The following TNNI3K variants were observed in gnomAD, a reference collection of about 807,000 sequenced individuals.
TNNI3K encodes the protein serine/threonine-protein kinase TNNI3K.
In TNNI3K, 140 loss-of-function variants were observed where a neutral mutation model predicts 114.5. The ratio of observed to expected loss-of-function variants is 1.22; its 90% CI spans 1.07 to 1.41. The LOEUF (loss-of-function observed/expected upper bound fraction) is 1.41. Ranked by LOEUF, TNNI3K falls within the 40% of genes most tolerant of loss-of-function variation. The pLI is 0.00. For synonymous variants in TNNI3K, 347 were observed against 347.5 expected, an observed-to-expected ratio of 1.00 and a Z score of 0.02; for missense variants, 1,125 against 1,007.6, an observed-to-expected ratio of 1.12 and a Z score of -1.58.
At chr1:74,543,762 C>A in intron 24 of TNNI3K, 144 bp from the exon 25 acceptor site, 1 of 823,346 alleles carries the variant, frequency 1.2e-6, no homozygotes, top group Non-Finnish European at 2.0e-6. Flanking sequence ...GTTGCTTGTG[C>A]TTTGCAACTA....
intron 5 of TNNI3K, among the ~76,000 whole-genome samples, chr1:74,317,961 T>A (rs1459949914): frequency 6.6e-6 from 1 of 152,212 alleles, no homozygotes; most frequent in African/African-American, 2.4e-5. Context: ...TAATCTATTT[T>A]ATGAACTATA....
chr1:74,506,217 A>G (rs1669893028), intron 23 of TNNI3K, among the ~76,000 whole-genome samples: 1 of 152,240 alleles, frequency 6.6e-6, no homozygotes, highest in African/African-American at 2.4e-5. Flanking sequence ...GTATTCAAAC[A>G]TAGACACTTA....
chr1:74,385,334 A>T (rs1015665571), intron 17 of TNNI3K, among the ~76,000 whole-genome samples: 2 of 152,162 alleles, frequency 1.3e-5, no homozygotes, highest in East Asian at 1.9e-4. Context: ...GGAGTATATA[A>T]CTGTTAAAAC....
chr1:74,511,099 G>C (rs1018813302), intron 23 of TNNI3K, among the ~76,000 whole-genome samples: 2 of 152,144 alleles, frequency 1.3e-5, no homozygotes, highest in Non-Finnish European at 2.9e-5. Flanking sequence ...TGTTGGCCAG[G>C]CTGGTCTGGA....
At chr1:74,250,527 A>G (rs1431428632) in intron 3 of TNNI3K, 145 bp from the exon 4 acceptor site, 12 of 605,370 alleles carry the variant, frequency 2.0e-5, no homozygotes, top group Non-Finnish European at 3.2e-5. Context: ...AAGGTTGTCA[A>G]TTAATAGAAA....
intron 20 of TNNI3K, among the ~76,000 whole-genome samples, chr1:74,441,103 C>A (rs1459368770): frequency 6.6e-6 from 1 of 151,954 alleles, no homozygotes; most frequent in Non-Finnish European, 1.5e-5. Context: ...GCATAATATA[C>A]CTGCAGTAAA....
intron 5 of TNNI3K, among the ~76,000 whole-genome samples, chr1:74,285,472 A>T (rs1042948452): frequency 1.3e-5 from 2 of 152,208 alleles, no homozygotes; most frequent in African/African-American, 2.4e-5. Flanking sequence ...TGCCACTTTC[A>T]TGAAACTGTT....
At chr1:74,258,018 G>T (rs868503584) in intron 4 of TNNI3K, among the ~76,000 whole-genome samples, 7 of 152,040 alleles carry the variant, frequency 4.6e-5, no homozygotes, top group African/African-American at 1.4e-4. Flanking sequence ...ACCTGAACAT[G>T]GTGCTTACTC....
At chr1:74,287,181 AAAAG>A (rs1657385601) in intron 5 of TNNI3K, among the ~76,000 whole-genome samples, 1 of 152,194 alleles carries the variant, frequency 6.6e-6, no homozygotes, top group South Asian at 2.1e-4. Context: ...AAAAAGGAGA[AAAAG>A]AATGACAAAC....
intron 4 of TNNI3K, among the ~76,000 whole-genome samples, chr1:74,262,057 GA>G: frequency 6.6e-6 from 1 of 151,914 alleles, no homozygotes; most frequent in Non-Finnish European, 1.5e-5. Flanking sequence ...CTTTTATCCT[GA>G]CTTTTTTTTT....
intron 12 of TNNI3K, among the ~76,000 whole-genome samples, 162 bp downstream of exon 12, chr1:74,367,504 A>C (rs1267947290): frequency 6.6e-6 from 1 of 151,960 alleles, no homozygotes; most frequent in Non-Finnish European, 1.5e-5. Flanking sequence ...GAGAGGCTGA[A>C]CATAAAGAAG....
rs1553148015 is a variant in TNNI3K, at chr1:74,451,657, T to TTTTTCTTTTCTTTTC, written c.2012-11765_2012-11751dup. ...CTTTTTCTTTCTTTCTTTCCTTTCT[T>TTTTTCTTTTCTTTTC]TTTTCTTTTCTTTTCTTTTCTTTTC... On this transcript the variant is annotated intron_variant, in intron 20 of 24. Transcript: ENST00000326637. 1.5e-3 allele frequency among the ~76,000 whole-genome samples: 81 copies of TTTTTCTTTTCTTTTC among 53,102 alleles called. 7 individuals are homozygous for TTTTTCTTTTCTTTTC. Among genetic ancestry groups the TTTTTCTTTTCTTTTC allele is most frequent in the South Asian group, 9.2e-3 (10 of 1,088 alleles). 34.8% of individuals were successfully genotyped at this position (53,102 alleles called of 152,430 possible). A position where few individuals can be genotyped will look rare whatever the true frequency, so the allele number is the denominator to read the frequency against.
chr1:74,464,579 G>A lies in TNNI3K; in HGVS notation c.2121+1029G>A, dbSNP rs45598634. The A allele has an allele frequency of 2.8e-3, 4,127 of 1,476,818 alleles. 106 individuals carry two copies. The African/African-American group carries it at 0.053, about 19-fold the overall frequency. The allele number at this position is 1,476,818 out of a possible 1,614,324, so 91.5% of individuals were successfully genotyped here. Reference sequence around the variant, plus strand: ...TATCTCACTCAGGAGAAATAAAATAGGCCCCAGTCCAGATGTTTGAAAAGA... The same window carrying A: ...TATCTCACTCAGGAGAAATAAAATAAGCCCCAGTCCAGATGTTTGAAAAGA... On this transcript the variant is annotated intron_variant, in intron 21 of 24. Transcript: ENST00000326637.
intron 17 of TNNI3K, among the ~76,000 whole-genome samples, chr1:74,417,696 GT>G (rs1394494928): frequency 5.0e-5 from 1 of 20,030 alleles, no homozygotes; most frequent in East Asian, 3.0e-3. Context: ...GTGTGTGTGT[GT>G]GTGTGTGTGT....
chr1:74,347,140 TC>T (rs1661048906), intron 9 of TNNI3K, among the ~76,000 whole-genome samples: 1 of 107,514 alleles, frequency 9.3e-6, no homozygotes, highest in Non-Finnish European at 1.9e-5. Flanking sequence ...CCTAATGCTA[TC>T]CCTCCCCCCT....
chr1:74,369,206 G>T lies in TNNI3K; in HGVS notation c.1415-1G>T. The T allele has an allele frequency of 6.2e-7, 1 of 1,609,802 alleles. No homozygotes were observed. The highest frequency in any genetic ancestry group is 8.5e-7 in the Non-Finnish European group (1 of 1,178,334). On this transcript the variant is annotated splice_acceptor_variant, in intron 14 of 24. Coordinates refer to ENST00000326637, the MANE Select transcript of TNNI3K (RefSeq NM_015978.3). LOFTEE classifies it high-confidence loss of function. The stretch of plus-strand genomic sequence containing the variant: ...TATTTATTTATTTTAAACAATTGTA[G>T]GTTCTTTTGGGAAAGTATATAAAGG...
intron 5 of TNNI3K, among the ~76,000 whole-genome samples, chr1:74,274,881 G>A (rs1435923928): frequency 6.6e-6 from 1 of 152,006 alleles, no homozygotes; most frequent in Non-Finnish European, 1.5e-5. Context: ...TACCTCTTTT[G>A]TAAGAAAATG....
At chr1:74,322,015 G>C (rs984733538) in intron 5 of TNNI3K, among the ~76,000 whole-genome samples, 1 of 152,072 alleles carries the variant, frequency 6.6e-6, no homozygotes, top group African/African-American at 2.4e-5. Flanking sequence ...ATAGAAATTA[G>C]AGCATAGAGT....
At chr1:74,483,469 T>A (rs1177935397) in intron 21 of TNNI3K, 1 of 610,340 alleles carries the variant, frequency 1.6e-6, no homozygotes, top group Non-Finnish European at 3.0e-6. Flanking sequence ...TTTGGTAATT[T>A]CTACTGTTCA....
Sources: gnomAD v4.1 joint callset for allele counts (sites outside exome capture counted in the v4.1 genomes callset) on GRCh38, gnomAD v4.1.1 for gene constraint, MANE v1.5 for transcripts, NCBI Gene and HGNC (gene_info 2026-07-23, HGNC 2026-07-21) for gene names.